FBXO43: variants seen among roughly 807,000 people sequenced by gnomAD.
The protein encoded by FBXO43 is F-box protein 43.
A neutral mutation model predicts 56.7 loss-of-function variants in FBXO43; 22 were observed. The ratio of observed to expected loss-of-function variants is 0.39; its 90% CI spans 0.28 to 0.55. The LOEUF (loss-of-function observed/expected upper bound fraction) is 0.55, where lower values mean the gene tolerates loss of function less well. Ranked by LOEUF, FBXO43 falls within the 20% of genes least tolerant of loss-of-function variation. FBXO43 has a pLI of 0.66. For missense variants in FBXO43, 733 were observed against 814.9 expected, an observed-to-expected ratio of 0.90 and a Z score of 1.22; for synonymous variants, 306 against 294.5, an observed-to-expected ratio of 1.04 and a Z score of -0.40.
upstream of FBXO43, among the ~76,000 whole-genome samples, chr8:100,148,994 C>A (rs1814875456): frequency 6.6e-6 from 1 of 152,192 alleles, no homozygotes; most frequent in Admixed American, 6.5e-5. Flanking sequence ...GATGGCAAGA[C>A]AACTACCCCC....
At chr8:100,139,914 T>C (rs1300797763) in intron 2 of FBXO43, among the ~76,000 whole-genome samples, 1 of 152,136 alleles carries the variant, frequency 6.6e-6, no homozygotes, top group Non-Finnish European at 1.5e-5. Flanking sequence ...ACTTAAATAA[T>C]TAAGTGGTAT....
At chr8:100,136,344 A>G (rs183053228) in intron 3 of FBXO43, among the ~76,000 whole-genome samples, 18 of 152,310 alleles carry the variant, frequency 1.2e-4, no homozygotes. Context: ...CTTTATTCCA[A>G]TTATTATATT....
upstream of FBXO43, among the ~76,000 whole-genome samples, chr8:100,149,054 A>G (rs1814876062): frequency 2.0e-5 from 3 of 152,196 alleles, no homozygotes; most frequent in African/African-American, 7.2e-5. Flanking sequence ...CATGCTCAGA[A>G]AAAGTTAATG....
At chr8:100,137,472 A>G (rs762644611) in intron 3 of FBXO43, 93 bp downstream of exon 3, 5 of 783,752 alleles carry the variant, frequency 6.4e-6, no homozygotes, top group African/African-American at 1.8e-5. Flanking sequence ...GAAAAGGTTA[A>G]AGATAGCAGG....
At position 100,141,948 on chromosome 8, in the gene FBXO43, T is replaced by A. The variant is rs1049813975; in HGVS notation, c.306A>T (p.Thr102=). Residue 102 remains threonine (T), a synonymous_variant, in exon 2 of 5, where the codon ACA becomes ACT. Coordinates refer to ENST00000428847, the MANE Select transcript of FBXO43 (RefSeq NM_001029860.4). ...AAGTTTCAGGGTGCTCATAGAGTAA[T>A]GTTGGGCCTTTTTCTTTCTTTCCAA... ...EYLGKKEKGP[T]LLYEHPETSG... is the part of the protein sequence containing the mutation. 11 of 1,605,066 alleles carry A rather than the reference T, an allele frequency of 6.9e-6. No homozygotes were observed. The highest frequency in any genetic ancestry group is 9.3e-6 in the Non-Finnish European group (11 of 1,176,632).
intron 1 of FBXO43, 89 bp downstream of exon 1, chr8:100,144,962 A>T: frequency 1.4e-6 from 2 of 1,401,652 alleles, no homozygotes; most frequent in South Asian, 1.5e-5. Context: ...AAGAAAAAGA[A>T]AAAAAAGAAA....
upstream of FBXO43, among the ~76,000 whole-genome samples, chr8:100,149,872 A>G (rs961142543): frequency 6.6e-6 from 1 of 152,230 alleles, no homozygotes; most frequent in African/African-American, 2.4e-5. Flanking sequence ...ACTAAGTAAA[A>G]TATCTTCTGG....
At chr8:100,144,646 C>T (rs1295285231) in intron 1 of FBXO43, among the ~76,000 whole-genome samples, 1 of 139,888 alleles carries the variant, frequency 7.1e-6, no homozygotes, top group Non-Finnish European at 1.5e-5. Flanking sequence ...AAAAAAAAAG[C>T]AGCGGCCGGG....
At position 100,145,634 on chromosome 8, in the gene FBXO43, T is replaced by A. The variant is rs1586356465; in HGVS notation, c.-499A>T. On this transcript the variant is annotated 5_prime_UTR_variant, in exon 1 of 5. Coordinates refer to ENST00000428847, the MANE Select transcript of FBXO43 (RefSeq NM_001029860.4). ...CCCGCTAACGGGCACTCGCCTGGGG[T>A]CCCGCCGCCTGCCTGGAGGCCGCGG... is the stretch of plus-strand genomic sequence containing the variant. The A allele has an allele frequency of 6.6e-6, 1 of 152,198 alleles. No homozygotes were observed. Among genetic ancestry groups the A allele is most frequent in the Non-Finnish European group, 1.5e-5 (1 of 68,236 alleles). The allele number at this position is 152,198 out of a possible 1,614,324, so 9.4% of individuals were successfully genotyped here. A position where few individuals can be genotyped will look rare whatever the true frequency, so the allele number is the denominator to read the frequency against.
At position 100,142,074 on chromosome 8, in the gene FBXO43, C is replaced by T. The variant is rs1285214374; in HGVS notation, c.180G>A (p.Lys60=). 13 of 1,613,690 alleles carry T rather than the reference C, an allele frequency of 8.1e-6. No homozygotes were observed. The highest frequency in any genetic ancestry group is 1.1e-5 in the Non-Finnish European group (13 of 1,179,854). The change falls in exon 2 of 5, where the codon AAG becomes AAA. Residue 60 remains lysine, a synonymous_variant. Coordinates refer to ENST00000428847, the MANE Select transcript of FBXO43 (RefSeq NM_001029860.4). ...AACAAAAATCTCTGAAGGTGGAGTACTTGGAGTTGACAATTGGAGGAGAGT... is the reference window on the plus strand; with the variant it reads ...AACAAAAATCTCTGAAGGTGGAGTATTTGGAGTTGACAATTGGAGGAGAGT... ...GADSPPIVNS[K]YSTFRDFCST...
intron 1 of FBXO43, 123 bp from the exon 2 acceptor site, chr8:100,142,291 T>C: frequency 1.0e-6 from 1 of 992,528 alleles, no homozygotes; most frequent in South Asian, 2.9e-5. Context: ...TTTTGAAAAG[T>C]TACTTTAAAA....
At chr8:100,135,779 ATT>A (rs1469939302) in intron 3 of FBXO43, among the ~76,000 whole-genome samples, 1 of 152,016 alleles carries the variant, frequency 6.6e-6, no homozygotes, top group Non-Finnish European at 1.5e-5. Context: ...TACTTTTTGT[ATT>A]TTTAGTAGAG....
upstream of FBXO43, among the ~76,000 whole-genome samples, chr8:100,148,426 T>C (rs948916824): frequency 1.3e-5 from 2 of 152,192 alleles, no homozygotes; most frequent in African/African-American, 4.8e-5. Flanking sequence ...CTTCCCTTTT[T>C]TTTGAGACAG....
At chr8:100,144,983 C>T in intron 1 of FBXO43, 68 bp downstream of exon 1, 1 of 1,485,470 alleles carries the variant, frequency 6.7e-7, no homozygotes, top group South Asian at 1.3e-5. Context: ...AAGCACCTAC[C>T]ACATCAGAGA....
intron 1 of FBXO43, among the ~76,000 whole-genome samples, chr8:100,143,780 TA>T (rs1338636287): frequency 1.3e-5 from 2 of 152,248 alleles, no homozygotes; most frequent in Admixed American, 1.3e-4. Flanking sequence ...TTAATTTTTT[TA>T]TTTTTTATGA....
At chr8:100,143,692 T>C (rs1418911851) in intron 1 of FBXO43, among the ~76,000 whole-genome samples, 1 of 152,238 alleles carries the variant, frequency 6.6e-6, no homozygotes, top group Non-Finnish European at 1.5e-5. Flanking sequence ...CATGAACTGT[T>C]TTCTCCCTCT....
In FBXO43 at chr8:100,141,210, C is replaced by G. The variant is rs1444936041; in HGVS notation, c.1044G>C (p.Leu348=). The stretch of plus-strand genomic sequence containing the variant: ...CTTGAAAAGAACCCTCCTGGTCAGA[C>G]AGGGAATCTTCTGATTTCTCCAAGC... ...SLSLEKSEDS[L]SDQEGSFQEL... is the part of the protein sequence containing the mutation. Residue 348 remains leucine, a synonymous_variant, in exon 2 of 5, where the codon CTG becomes CTC. Coordinates refer to ENST00000428847, the MANE Select transcript of FBXO43 (RefSeq NM_001029860.4). 8 of 1,614,172 alleles carry G rather than the reference C, an allele frequency of 5.0e-6. No individual in the cohort carries two copies. Among genetic ancestry groups the G allele is most frequent in the Non-Finnish European group, 5.9e-6 (7 of 1,180,040 alleles).
chr8:100,133,542 A>G lies in FBXO43; in HGVS notation c.*260T>C, dbSNP rs1210313033. The G allele has an allele frequency of 1.0e-5, 3 of 295,594 alleles. No homozygotes were observed. Among genetic ancestry groups the G allele is most frequent in the Non-Finnish European group, 1.2e-5 (2 of 161,190 alleles). 18.3% of individuals were successfully genotyped at this position (295,594 alleles called of 1,614,324 possible). Reference sequence around the variant, plus strand: ...AATTTAAAATGTTACATAAAACAATAAAGTACATACATATAACAACAATGA... The same window carrying G: ...AATTTAAAATGTTACATAAAACAATGAAGTACATACATATAACAACAATGA... On this transcript the variant is annotated 3_prime_UTR_variant, in exon 5 of 5. Coordinates refer to ENST00000428847, the MANE Select transcript of FBXO43 (RefSeq NM_001029860.4).
chr8:100,134,540 C>T (rs900928371), intron 3 of FBXO43, among the ~76,000 whole-genome samples, 176 bp from the exon 4 acceptor site: 1 of 151,958 alleles, frequency 6.6e-6, no homozygotes, highest in African/African-American at 2.4e-5. Context: ...CCTTTTCTCA[C>T]CTAACATATA....
Sources: gnomAD v4.1 joint callset for allele counts (sites outside exome capture counted in the v4.1 genomes callset) on GRCh38, gnomAD v4.1.1 for gene constraint, MANE v1.5 for transcripts, NCBI Gene and HGNC (gene_info 2026-07-23, HGNC 2026-07-21) for gene names.